The following PTPRD variants were observed in gnomAD, a reference collection of about 807,000 sequenced individuals.
PTPRD encodes the protein receptor-type tyrosine-protein phosphatase delta.
In PTPRD, 34 loss-of-function variants were observed where a neutral mutation model predicts 214.5. The observed-to-expected ratio is 0.16, with a 90% confidence interval of 0.12 to 0.21. The LOEUF (loss-of-function observed/expected upper bound fraction) is 0.21. Ranked by LOEUF, PTPRD falls within the 10% of genes least tolerant of loss-of-function variation. The probability of loss-of-function intolerance (pLI) is 1.00; values close to 1 mark genes in which losing one functional copy is unlikely to be tolerated. For missense variants in PTPRD, 2,545 were observed against 2,398.7 expected (o/e 1.06, Z -1.27); for synonymous variants, 1,128 against 845.7 (o/e 1.33, Z -5.79).
chr9:9,513,124 A>G (rs1176664827), intron 8 of PTPRD, among the ~76,000 whole-genome samples: 1 of 151,950 alleles, frequency 6.6e-6, no homozygotes, highest in Non-Finnish European at 1.5e-5. Context: ...AAGATAGTAT[A>G]TGTCTGATTT....
chr9:8,599,613 C>A (rs1269061811), intron 14 of PTPRD, among the ~76,000 whole-genome samples: 1 of 53,442 alleles, frequency 1.9e-5, no homozygotes, highest in Non-Finnish European at 3.6e-5. Context: ...CCCGCCCACC[C>A]TTTTTTTTTT....
chr9:8,999,784 C>T (rs1447084413), intron 11 of PTPRD, among the ~76,000 whole-genome samples: 2 of 151,902 alleles, frequency 1.3e-5, no homozygotes, highest in Admixed American at 6.6e-5. Flanking sequence ...AAAATATGCT[C>T]AAAACAATCT....
intron 11 of PTPRD, among the ~76,000 whole-genome samples, chr9:8,782,413 T>A (rs958159633): frequency 1.3e-5 from 2 of 152,140 alleles, no homozygotes; most frequent in Non-Finnish European, 2.9e-5. Flanking sequence ...ATTAACTGTG[T>A]CACCATGTTG....
intron 13 of PTPRD, 81 bp from the exon 14 acceptor site, chr9:8,633,539 T>A (rs2096323421): frequency 6.7e-7 from 1 of 1,494,142 alleles, no homozygotes; most frequent in African/African-American, 1.4e-5. Context: ...CAGTGGTGGA[T>A]CCGCCATTAG....
chr9:9,931,565 C>T (rs1052010014), intron 5 of PTPRD, among the ~76,000 whole-genome samples: 8 of 152,150 alleles, frequency 5.3e-5, no homozygotes, highest in Non-Finnish European at 7.3e-5. Context: ...GCACGTGGCT[C>T]GGAGGGTCCT....
intron 9 of PTPRD, among the ~76,000 whole-genome samples, chr9:9,375,234 G>C (rs2060477288): frequency 6.6e-6 from 1 of 152,122 alleles, no homozygotes; most frequent in Non-Finnish European, 1.5e-5. Flanking sequence ...GCCAAATGTG[G>C]ATAATCCACC....
intron 5 of PTPRD, among the ~76,000 whole-genome samples, chr9:9,816,661 C>A (rs369943095): frequency 6.6e-6 from 1 of 151,992 alleles, no homozygotes; most frequent in Non-Finnish European, 1.5e-5. Flanking sequence ...AGACCTTTTG[C>A]GTATTCTGAA....
At chr9:10,445,057 T>C (rs1376148110) in intron 2 of PTPRD, among the ~76,000 whole-genome samples, 1 of 151,874 alleles carries the variant, frequency 6.6e-6, no homozygotes, top group Non-Finnish European at 1.5e-5. Flanking sequence ...AGCAAAGGTA[T>C]AGAGGATTTC....
chr9:10,288,943 A>C lies in PTPRD; in HGVS notation c.-545+52020T>G, dbSNP rs563534378. 5.3e-5 allele frequency among the ~76,000 whole-genome samples: 8 copies of C among 152,280 alleles called. 1 individual carries two copies. The South Asian group carries it at 1.7e-3, about 32-fold the overall frequency. On this transcript the variant is annotated intron_variant, in intron 3 of 45. Transcript: ENST00000381196. ...AAAAACTGACTATATAATCGGCATC[A>C]ATAAGGCACTCAGTTGGGAGTATAA...
intron 4 of PTPRD, among the ~76,000 whole-genome samples, chr9:10,003,017 T>C (rs1245674767): frequency 6.6e-6 from 1 of 151,632 alleles, no homozygotes; most frequent in African/African-American, 2.4e-5. Flanking sequence ...AAATTACAAA[T>C]CAATTATAAG....
intron 6 of PTPRD, among the ~76,000 whole-genome samples, chr9:9,745,509 G>A (rs1191355763): frequency 6.6e-6 from 1 of 151,988 alleles, no homozygotes; most frequent in East Asian, 1.9e-4. Context: ...TATCACCATC[G>A]TGGCAGGGCA....
At chr9:8,767,768 C>G (rs1397893370) in intron 11 of PTPRD, among the ~76,000 whole-genome samples, 2 of 151,920 alleles carry the variant, frequency 1.3e-5, no homozygotes, top group African/African-American at 4.8e-5. Context: ...AAGGGGAGAC[C>G]CAGGCATCTG....
chr9:10,175,308 A>G (rs914635956), intron 3 of PTPRD, among the ~76,000 whole-genome samples: 4 of 152,094 alleles, frequency 2.6e-5, no homozygotes, highest in African/African-American at 9.7e-5. Context: ...GAGGATTAGA[A>G]GTCATGTTAA....
chr9:8,780,245 T>G (rs2095642655), intron 11 of PTPRD, among the ~76,000 whole-genome samples: 1 of 152,166 alleles, frequency 6.6e-6, no homozygotes, highest in African/African-American at 2.4e-5. Context: ...CCGCACAGGA[T>G]TAGGCCATTT....
intron 5 of PTPRD, among the ~76,000 whole-genome samples, chr9:9,860,991 T>G (rs1293301338): frequency 6.6e-6 from 1 of 152,214 alleles, no homozygotes; most frequent in East Asian, 1.9e-4. Flanking sequence ...AACAGAACTG[T>G]TGGAAAAATA....
At chr9:10,342,432 A>T (rs2096958702) in intron 2 of PTPRD, among the ~76,000 whole-genome samples, 1 of 152,132 alleles carries the variant, frequency 6.6e-6, no homozygotes, top group African/African-American at 2.4e-5. Flanking sequence ...CTTAATTCAG[A>T]TATGATAAAT....
At chr9:8,865,590 A>G (rs887095977) in intron 11 of PTPRD, among the ~76,000 whole-genome samples, 2 of 151,758 alleles carry the variant, frequency 1.3e-5, no homozygotes, top group African/African-American at 4.8e-5. Context: ...ATCTCTCTGT[A>G]TTTTTATTGT....
At chr9:10,002,549 A>G (rs1414447312) in intron 4 of PTPRD, among the ~76,000 whole-genome samples, 1 of 151,316 alleles carries the variant, frequency 6.6e-6, no homozygotes, top group Non-Finnish European at 1.5e-5. Context: ...AGCTACTATC[A>G]GACAAAATAG....
intron 3 of PTPRD, among the ~76,000 whole-genome samples, chr9:10,070,758 G>T (rs1224550443): frequency 6.6e-6 from 1 of 151,742 alleles, no homozygotes; most frequent in Non-Finnish European, 1.5e-5. Flanking sequence ...TGACTATTTA[G>T]TAAGTTTTAT....
Sources: allele counts gnomAD v4.1 joint callset (sites outside exome capture counted in the v4.1 genomes callset), GRCh38; gene constraint gnomAD v4.1.1; transcripts MANE v1.5; gene names NCBI Gene and HGNC (gene_info 2026-07-23, HGNC 2026-07-21).